The following RBPJ variants were observed in gnomAD, a reference collection of about 807,000 sequenced individuals.
RBPJ encodes recombining binding protein suppressor of hairless.
Under a neutral mutation model 67.8 loss-of-function variants are expected in RBPJ, and 9 were observed. That is an observed-to-expected ratio of 0.13 (90% confidence interval 0.08 to 0.23). RBPJ has a LOEUF of 0.23. RBPJ is among the 10% of genes least tolerant of loss of function. The pLI is 1.00. For synonymous variants in RBPJ, 198 were observed against 203.3 expected, an observed-to-expected ratio of 0.97 and a Z score of 0.22; for missense variants, 305 against 595.6, an observed-to-expected ratio of 0.51 and a Z score of 5.08.
At chr4:26,353,803 G>T (rs559458608) in intron 1 of RBPJ, among the ~76,000 whole-genome samples, 2 of 151,514 alleles carry the variant, frequency 1.3e-5, no homozygotes, top group East Asian at 1.9e-4. Flanking sequence ...TAGAGATGGG[G>T]TTTCACCATG....
intron 2 of RBPJ, among the ~76,000 whole-genome samples, chr4:26,393,852 T>C (rs77159724): frequency 2.0e-5 from 3 of 151,868 alleles, no homozygotes; most frequent in African/African-American, 7.3e-5. Flanking sequence ...AAAAAAAAAA[T>C]CTTTGAAACA....
At chr4:26,193,464 CCTTT>C (rs1717642430) in intron 1 of RBPJ, among the ~76,000 whole-genome samples, 1 of 151,856 alleles carries the variant, frequency 6.6e-6, no homozygotes, top group Non-Finnish European at 1.5e-5. Flanking sequence ...GAAAATTTCC[CCTTT>C]CTTCTTTGTT....
intron 1 of RBPJ, among the ~76,000 whole-genome samples, chr4:26,246,033 A>G (rs1354176543): frequency 6.6e-6 from 1 of 152,204 alleles, no homozygotes; most frequent in Non-Finnish European, 1.5e-5. Context: ...AAAGATTGTT[A>G]TAGTTATTCT....
intron 1 of RBPJ, among the ~76,000 whole-genome samples, chr4:26,269,529 T>TA: frequency 6.6e-6 from 1 of 152,164 alleles, no homozygotes; most frequent in East Asian, 1.9e-4. Context: ...GTGCTGGGAT[T>TA]AAAGGTGTGA....
intron 4 of RBPJ, among the ~76,000 whole-genome samples, chr4:26,420,124 C>CT (rs1192617104): frequency 6.6e-6 from 1 of 151,898 alleles, no homozygotes; most frequent in Non-Finnish European, 1.5e-5. Flanking sequence ...AGAACTACTG[C>CT]TAAAATCTTT....
In RBPJ at chr4:26,188,725, TA is replaced by T. The variant is rs1390181144; in HGVS notation, c.-167+25115del. Among the ~76,000 whole-genome samples, 77 of 152,198 alleles carry T rather than the reference TA, an allele frequency of 5.1e-4. 1 individual carries two copies. Among genetic ancestry groups the T allele is most frequent in the African/African-American group, 1.8e-3 (74 of 41,586 alleles). On this transcript the variant is annotated intron_variant, in intron 1 of 4. Coordinates refer to the RBPJ transcript ENST00000512351. Reference sequence around the variant, plus strand: ...CCAAATTAGATATATTCCTTGTCATTAAAAGTGTGACTTTATTGTTCAATTT... The same window carrying T: ...CCAAATTAGATATATTCCTTGTCATTAAAGTGTGACTTTATTGTTCAATTT...
intron 1 of RBPJ, among the ~76,000 whole-genome samples, chr4:26,214,923 A>AGGAAGGAAGGAGGGTGGGAGGAAGGAC (rs1718613175): frequency 1.8e-5 from 1 of 56,450 alleles, no homozygotes; most frequent in Admixed American, 2.2e-4. Context: ...AAGAGAAAAA[A>AGGAAGGAAGGAGGGTGGGAGGAAGGAC]GGAAGGAAGG....
At chr4:26,273,128 T>C (rs1720967640) in intron 1 of RBPJ, among the ~76,000 whole-genome samples, 1 of 152,210 alleles carries the variant, frequency 6.6e-6, no homozygotes, top group Admixed American at 6.5e-5. Flanking sequence ...TTTGCAGGAC[T>C]ACCTTTTGCT....
chr4:26,150,052 G>A, the RBPJ span, among the ~76,000 whole-genome samples: 2 of 152,182 alleles, frequency 1.3e-5, no homozygotes, highest in African/African-American at 2.4e-5. Flanking sequence ...TGGTTACAAG[G>A]TTCTAGAGAA....
chr4:26,322,350 G>A (rs1022781222), intron 1 of RBPJ: 2 of 152,190 alleles, frequency 1.3e-5, no homozygotes, highest in Non-Finnish European at 2.9e-5. Flanking sequence ...GTGTTGGGGC[G>A]GAGAATTTCA....
chr4:26,217,796 C>T (rs950012603), intron 1 of RBPJ, among the ~76,000 whole-genome samples: 3 of 152,198 alleles, frequency 2.0e-5, no homozygotes, highest in Non-Finnish European at 4.4e-5. Context: ...AAGATCCAAC[C>T]TGCTATGTAG....
At chr4:26,356,304 CTG>C (rs1432419325) in intron 1 of RBPJ, among the ~76,000 whole-genome samples, 2 of 152,164 alleles carry the variant, frequency 1.3e-5, no homozygotes, top group African/African-American at 4.8e-5. Flanking sequence ...CACTTGGGCT[CTG>C]TGTAGCTACT....
rs1264476019 is a variant in RBPJ at position 26,264,326 on chromosome 4, AATTC to A, written c.-166-98116_-166-98113del. ...TAATTAATTATTATTAATACTTATT[AATTC>A]ATTAATCAATGAATACTTTTTAATT... On this transcript the variant is annotated intron_variant, in intron 1 of 4. Coordinates refer to the RBPJ transcript ENST00000512351. This position sits in a 1 kb window ranked among gnomAD's most constrained non-coding sequence, Gnocchi z 4.1. 2.0e-5 allele frequency among the ~76,000 whole-genome samples: 3 copies of A among 152,190 alleles called. No homozygotes were observed. Among genetic ancestry groups the A allele is most frequent in the Non-Finnish European group, 4.4e-5 (3 of 68,034 alleles).
rs139586963 is a variant in RBPJ, at chr4:26,215,074, AAG to A, written c.-167+51466_-167+51467del. Among the ~76,000 whole-genome samples the A allele has an allele frequency of 1.5e-4, 10 of 66,232 alleles. 1 individual carries two copies. The highest frequency in any genetic ancestry group is 1.1e-3 in the Admixed American group (6 of 5,390). 43.5% of individuals were successfully genotyped at this position (66,232 alleles called of 152,430 possible). ...GAAGAGAGAGAGAAAGAAAGAGAAA[AAG>A]AGAGAAAAAAGACAGAAAGAGAAAG... is the stretch of plus-strand genomic sequence containing the variant. On this transcript the variant is annotated intron_variant, in intron 1 of 4. Transcript: ENST00000512351.
chr4:26,151,932 C>T, the RBPJ span, among the ~76,000 whole-genome samples: 1 of 152,156 alleles, frequency 6.6e-6, no homozygotes, highest in African/African-American at 2.4e-5. Flanking sequence ...GACAGCTGAG[C>T]CTCTCCAGAT....
At chr4:26,321,258 G>C (rs1362171241) in intron 1 of RBPJ, 1 of 153,158 alleles carries the variant, frequency 6.5e-6, no homozygotes, top group African/African-American at 2.5e-5. Context: ...GCGTGAGGGC[G>C]GGCGGCGGCG....
rs190512608 is a variant in RBPJ at position 26,171,938 on chromosome 4, T to G, written c.-167+8324T>G. Among the ~76,000 whole-genome samples the G allele has an allele frequency of 3.9e-5, 6 of 152,304 alleles. No individual in the cohort carries two copies. In the East Asian group the frequency reaches 9.6e-4, roughly 24 times the overall value. On this transcript the variant is annotated intron_variant, in intron 1 of 4. Transcript: ENST00000512351. ...TAGGTCCGTTCTGATGTATATGCCA[T>G]GGGCTTTAGGTCTCTGGATCCGGTA...
intron 1 of RBPJ, among the ~76,000 whole-genome samples, chr4:26,242,706 A>T (rs1028109242): frequency 6.2e-5 from 5 of 81,240 alleles, no homozygotes; most frequent in African/African-American, 1.0e-4. Flanking sequence ...ACTCATAGTT[A>T]AAAAAAAAAA....
intron 1 of RBPJ, among the ~76,000 whole-genome samples, chr4:26,201,558 G>C (rs547189730): frequency 1.3e-5 from 2 of 151,960 alleles, no homozygotes; most frequent in African/African-American, 4.8e-5. Flanking sequence ...AACCCCCACC[G>C]TTCTCCCACT....
Sources: gnomAD v4.1 joint callset for allele counts (sites outside exome capture counted in the v4.1 genomes callset) on GRCh38, gnomAD v4.1.1 for gene constraint, Gnocchi (gnomAD v3.1) non-coding constraint, MANE v1.5 for transcripts, NCBI Gene and HGNC (gene_info 2026-07-23, HGNC 2026-07-21) for gene names.